Variants in CRACD observed in about 807,000 individuals in gnomAD.
The protein encoded by CRACD is capping protein inhibiting regulator of actin dynamics.
CRACD carries 56 observed loss-of-function variants against 106.8 expected under a neutral mutation model. The observed-to-expected ratio is 0.52, with a 90% CI of 0.42 to 0.66. CRACD has a LOEUF of 0.66. Ranked by LOEUF, CRACD falls within the 30% of genes least tolerant of loss-of-function variation. The pLI, the probability that CRACD is intolerant of heterozygous loss-of-function variation, is 0.00. For missense variants in CRACD, 1,730 were observed against 1,623.2 expected, an observed-to-expected ratio of 1.07 and a Z score of -1.13; for synonymous variants, 754 against 670.8, an observed-to-expected ratio of 1.12 and a Z score of -1.92.
intron 1 of CRACD, among the ~76,000 whole-genome samples, chr4:56,079,006 A>T (rs1355309085): frequency 1.3e-5 from 2 of 152,206 alleles, no homozygotes; most frequent in Non-Finnish European, 2.9e-5. Flanking sequence ...GAGCTCTCAG[A>T]GGGCACTGCA....
At chr4:56,207,763 TA>T (rs1738200781) in intron 2 of CRACD, among the ~76,000 whole-genome samples, 1 of 144,650 alleles carries the variant, frequency 6.9e-6, no homozygotes, top group Non-Finnish European at 1.5e-5. Flanking sequence ...TATATATATA[TA>T]TATATATATA....
chr4:56,226,654 G>A (rs1260751441), intron 2 of CRACD, among the ~76,000 whole-genome samples: 1 of 152,252 alleles, frequency 6.6e-6, no homozygotes, highest in East Asian at 1.9e-4. Context: ...AGCATTGGAG[G>A]TGGGGCCTAA....
At chr4:56,308,958 C>T in intron 5 of CRACD, 1 of 1,250,032 alleles carries the variant, frequency 8.0e-7, no homozygotes. Flanking sequence ...CAGAGGTGAG[C>T]AAGATTCTAC....
chr4:56,281,804 G>A (rs1393304774), intron 3 of CRACD, among the ~76,000 whole-genome samples: 3 of 152,132 alleles, frequency 2.0e-5, no homozygotes, highest in Admixed American at 1.3e-4. Context: ...TTAGAAGATC[G>A]TTTGTCTTAG....
At chr4:56,226,124 GTT>G (rs1739287870) in intron 2 of CRACD, among the ~76,000 whole-genome samples, 1 of 151,748 alleles carries the variant, frequency 6.6e-6, no homozygotes, top group African/African-American at 2.4e-5. Context: ...ATTGGGTCAC[GTT>G]GGGTTTTCTA....
chr4:56,244,965 C>T (rs1297575732), intron 2 of CRACD, among the ~76,000 whole-genome samples: 1 of 152,220 alleles, frequency 6.6e-6, no homozygotes, highest in Non-Finnish European at 1.5e-5. Context: ...TTACCCACTG[C>T]TCCCTGACTC....
At chr4:56,094,245 C>T (rs1733519556) in intron 1 of CRACD, among the ~76,000 whole-genome samples, 1 of 152,080 alleles carries the variant, frequency 6.6e-6, no homozygotes, top group African/African-American at 2.4e-5. Context: ...TCCTTGCTGT[C>T]TCAAGGAGCT....
intron 1 of CRACD, among the ~76,000 whole-genome samples, chr4:56,094,627 C>T (rs980627137): frequency 2.6e-5 from 4 of 151,936 alleles, no homozygotes; most frequent in African/African-American, 9.7e-5. Context: ...CTAATTTTTG[C>T]ATTTTTAGTA....
intron 3 of CRACD, among the ~76,000 whole-genome samples, chr4:56,294,682 G>C (rs1378814623): frequency 1.3e-5 from 2 of 152,172 alleles, no homozygotes; most frequent in Admixed American, 6.5e-5. Context: ...GGGAGGCCAA[G>C]GTGGGCTGAT....
chr4:56,227,636 TCAACTC>T (rs1442826614), intron 2 of CRACD, among the ~76,000 whole-genome samples: 1 of 152,204 alleles, frequency 6.6e-6, no homozygotes, highest in Non-Finnish European at 1.5e-5. Flanking sequence ...CTGCAGCTGT[TCAACTC>T]CATCTTCGCA....
At chr4:56,144,028 G>A (rs974394497) in intron 1 of CRACD, among the ~76,000 whole-genome samples, 1 of 152,210 alleles carries the variant, frequency 6.6e-6, no homozygotes, top group African/African-American at 2.4e-5. Flanking sequence ...CTTTCTGGAG[G>A]AAGTCACCTT....
intron 1 of CRACD, among the ~76,000 whole-genome samples, chr4:56,129,135 G>A (rs1388391464): frequency 6.6e-6 from 1 of 152,150 alleles, no homozygotes; most frequent in Non-Finnish European, 1.5e-5. Context: ...GAGTGTGGTA[G>A]CATAATCATG....
At chr4:56,223,859 A>G (rs981411320) in intron 2 of CRACD, among the ~76,000 whole-genome samples, 2 of 152,206 alleles carry the variant, frequency 1.3e-5, no homozygotes, top group African/African-American at 4.8e-5. Context: ...TATGGGCTCA[A>G]GTGATTCTAC....
At chr4:56,322,675 C>T (rs973065692) in intron 8 of CRACD, among the ~76,000 whole-genome samples, 26 of 152,202 alleles carry the variant, frequency 1.7e-4, no homozygotes, top group African/African-American at 5.5e-4. Context: ...TGGAGTTCCA[C>T]GTAGTATGTT....
chr4:56,319,851 GCAATGATAATCCC>G (rs139704513), intron 8 of CRACD, among the ~76,000 whole-genome samples: 7,221 of 152,150 alleles, frequency 0.047, 285 homozygotes, highest in East Asian at 0.2. Flanking sequence ...GATTAAAACA[GCAATGATAATCCC>G]CATGTGCTTG....
chr4:56,119,464 G>A (rs1436529065), intron 1 of CRACD, among the ~76,000 whole-genome samples: 1 of 151,778 alleles, frequency 6.6e-6, no homozygotes, highest in African/African-American at 2.4e-5. Flanking sequence ...CCAAGTAGCT[G>A]GGACTACAGG....
chr4:56,084,144 C>T (rs1390646181), intron 1 of CRACD, among the ~76,000 whole-genome samples: 1 of 152,144 alleles, frequency 6.6e-6, no homozygotes, highest in African/African-American at 2.4e-5. Flanking sequence ...TACTGTGCAT[C>T]ACCCCAAAAG....
intron 1 of CRACD, among the ~76,000 whole-genome samples, chr4:56,104,150 G>A (rs948799015): frequency 6.6e-6 from 1 of 152,160 alleles, no homozygotes; most frequent in Non-Finnish European, 1.5e-5. Context: ...TGATCCCGGA[G>A]CTTTGGGAGG....
At chr4:56,091,012 G>A (rs1028461459) in intron 1 of CRACD, among the ~76,000 whole-genome samples, 1 of 152,056 alleles carries the variant, frequency 6.6e-6, no homozygotes, top group East Asian at 1.9e-4. Flanking sequence ...TTGAATTTCT[G>A]TTGCTTCACA....
Sources: gnomAD v4.1 joint callset for allele counts (sites outside exome capture counted in the v4.1 genomes callset) on GRCh38, gnomAD v4.1.1 for gene constraint, MANE v1.5 for transcripts, NCBI Gene and HGNC (gene_info 2026-07-23, HGNC 2026-07-21) for gene names.